Variants in KCNK2 observed in about 807,000 individuals in gnomAD.
The protein encoded by KCNK2 is potassium channel subfamily K member 2.
A neutral mutation model predicts 40.5 loss-of-function variants in KCNK2; 21 were observed. That is an observed-to-expected ratio of 0.52 (90% confidence interval 0.37 to 0.75). The LOEUF (loss-of-function observed/expected upper bound fraction) is 0.75, where lower values mean the gene tolerates loss of function less well. Among genes scored for constraint, KCNK2 ranks in the 30% least tolerant of loss-of-function variants. The pLI is 0.00. For synonymous variants in KCNK2, 191 were observed against 202.2 expected (o/e 0.94, Z 0.47); for missense variants, 399 against 531.6 (o/e 0.75, Z 2.45).
chr1:215,195,465 G>C (rs1664826373), intron 6 of KCNK2, among the ~76,000 whole-genome samples: 1 of 151,578 alleles, frequency 6.6e-6, no homozygotes, highest in South Asian at 2.1e-4. Context: ...GATATCAGTA[G>C]CATGAAATAG....
chr1:215,198,336 G>A (rs940967385), intron 6 of KCNK2, among the ~76,000 whole-genome samples: 4 of 152,104 alleles, frequency 2.6e-5, no homozygotes, highest in African/African-American at 4.8e-5. Context: ...TTCAATTGGA[G>A]TAGATATGTG....
chr1:215,130,246 G>A lies in KCNK2; in HGVS notation c.475+5496G>A, dbSNP rs61818325. Among the ~76,000 whole-genome samples the A allele has an allele frequency of 9.6e-3, 1,461 of 152,272 alleles. 22 individuals are homozygous for A. The highest frequency in any genetic ancestry group is 0.06 in the South Asian group (291 of 4,824). The stretch of plus-strand genomic sequence containing the variant: ...AGCTCCATAAAATCCCCTAAATGAT[G>A]GAGTTCAGAGAGCTTCTGGGTTGGT... On this transcript the variant is annotated intron_variant, in intron 3 of 6. Coordinates refer to ENST00000444842, the MANE Select transcript of KCNK2 (RefSeq NM_001017425.3).
chr1:215,175,453 T>G (rs61209128), intron 5 of KCNK2, among the ~76,000 whole-genome samples: 32,228 of 148,858 alleles, frequency 0.22, 5,539 homozygotes, highest in African/African-American at 0.48. Flanking sequence ...CCTCTGATTT[T>G]TTTTTTGTTT....
At chr1:215,234,129 T>A (rs1278931829) in intron 6 of KCNK2, among the ~76,000 whole-genome samples, 2 of 152,224 alleles carry the variant, frequency 1.3e-5, no homozygotes, top group Non-Finnish European at 2.9e-5. Flanking sequence ...AAACACTTTT[T>A]GAGAAACTGT....
At position 215,110,428 on chromosome 1, in the gene KCNK2, T is replaced by C. The variant is rs529136125; in HGVS notation, c.358-14205T>C. ...AAGGGTCCAGTTTCCCTCTTTTTGGTGTGTATATCAAATTTTCTCAAAACT... is the reference window on the plus strand; with the variant it reads ...AAGGGTCCAGTTTCCCTCTTTTTGGCGTGTATATCAAATTTTCTCAAAACT... On this transcript the variant is annotated intron_variant, in intron 2 of 6. Coordinates refer to ENST00000444842, the MANE Select transcript of KCNK2 (RefSeq NM_001017425.3). Among the ~76,000 whole-genome samples, 89 of 152,156 alleles carry C rather than the reference T, an allele frequency of 5.8e-4. 1 individual carries two copies. In the South Asian group the frequency reaches 0.018, roughly 30 times the overall value.
intron 2 of KCNK2, among the ~76,000 whole-genome samples, chr1:215,109,026 A>G (rs1231127097): frequency 6.6e-6 from 1 of 151,958 alleles, no homozygotes; most frequent in African/African-American, 2.4e-5. Flanking sequence ...TATATCATTC[A>G]TTCATATATA....
At chr1:215,091,696 A>G (rs1659700362) in intron 2 of KCNK2, among the ~76,000 whole-genome samples, 1 of 152,118 alleles carries the variant, frequency 6.6e-6, no homozygotes, top group South Asian at 2.1e-4. Context: ...AGCAGTGGAG[A>G]GGGCTTGGAA....
intron 1 of KCNK2, among the ~76,000 whole-genome samples, chr1:215,028,677 A>G (rs1455886949): frequency 6.6e-6 from 1 of 152,148 alleles, no homozygotes; most frequent in Admixed American, 6.5e-5. Context: ...TATTCAGTGA[A>G]ATGCACAAAT....
At chr1:215,051,829 T>C (rs751772615) in intron 1 of KCNK2, among the ~76,000 whole-genome samples, 2 of 152,174 alleles carry the variant, frequency 1.3e-5, no homozygotes, top group African/African-American at 2.4e-5. Context: ...TGCAGGTGAT[T>C]AGAACAGTTT....
In KCNK2 at chr1:215,169,329, A is replaced by C; in HGVS notation, c.606A>C (p.Lys202Asn). 1 of 1,612,450 alleles carries C rather than the reference A, an allele frequency of 6.2e-7. No homozygotes were observed. Among genetic ancestry groups the C allele is most frequent in the Non-Finnish European group, 8.5e-7 (1 of 1,179,210 alleles). The change falls in exon 4 of 7, where the codon AAA becomes AAC. Residue 202 changes from lysine to asparagine, a missense_variant. Physicochemically the swap from Lys to Asn is moderately conservative, Grantham distance 94. Around this residue, in one of 3 missense-constraint regions of KCNK2, gnomAD observed 279 missense variants for 353.8 expected, o/e 0.79. Transcript: ENST00000444842. The part of the protein sequence containing the change: ...VGDQLGTIFG[K>N]GIAKVEDTFI... Reference sequence around the variant, plus strand: ...ATCAGCTAGGCACCATATTTGGAAAAGGAATTGCCAAAGTGGAAGATACGT... The same window carrying C: ...ATCAGCTAGGCACCATATTTGGAAACGGAATTGCCAAAGTGGAAGATACGT...
intron 1 of KCNK2, among the ~76,000 whole-genome samples, chr1:215,026,933 CA>C (rs987446643): frequency 2.0e-5 from 3 of 151,918 alleles, no homozygotes; most frequent in African/African-American, 7.2e-5. Flanking sequence ...TGTTTCAGAT[CA>C]TTTTTCATTC....
At chr1:215,188,400 A>G (rs1323861312) in intron 5 of KCNK2, among the ~76,000 whole-genome samples, 5 of 152,114 alleles carry the variant, frequency 3.3e-5, no homozygotes, top group Non-Finnish European at 7.3e-5. Flanking sequence ...TGTATGTCTC[A>G]TATTAAGGAT....
chr1:215,119,608 T>G (rs1015480662), intron 2 of KCNK2, among the ~76,000 whole-genome samples: 3 of 152,140 alleles, frequency 2.0e-5, no homozygotes, highest in Non-Finnish European at 4.4e-5. Flanking sequence ...TTTTACTGTT[T>G]CTGTGGCAAG....
At chr1:215,019,374 G>C (rs1656706125) in intron 1 of KCNK2, among the ~76,000 whole-genome samples, 1 of 152,168 alleles carries the variant, frequency 6.6e-6, no homozygotes, top group African/African-American at 2.4e-5. Context: ...AAACCTGTTT[G>C]TATGTAAAAA....
chr1:215,156,401 G>C (rs1662926325), intron 3 of KCNK2, among the ~76,000 whole-genome samples: 1 of 152,156 alleles, frequency 6.6e-6, no homozygotes. Context: ...TAACTTTTCT[G>C]TGTGATATAC....
At chr1:215,230,478 T>TATAC (rs1269215047) in intron 6 of KCNK2, among the ~76,000 whole-genome samples, 14 of 85,080 alleles carry the variant, frequency 1.6e-4, no homozygotes, top group African/African-American at 6.6e-4. Flanking sequence ...GATATATATA[T>TATAC]ACACACACAC....
intron 1 of KCNK2, among the ~76,000 whole-genome samples, chr1:215,053,302 A>G (rs897035160): frequency 2.0e-5 from 3 of 152,112 alleles, no homozygotes; most frequent in Non-Finnish European, 4.4e-5. Context: ...TGACTGATGC[A>G]TCTTCCCTAG....
At chr1:215,209,338 A>G (rs1210133408) in intron 6 of KCNK2, among the ~76,000 whole-genome samples, 2 of 97,664 alleles carry the variant, frequency 2.0e-5, no homozygotes, top group African/African-American at 8.1e-5. Flanking sequence ...TTTTATATAT[A>G]TAATATATAT....
chr1:215,125,585 T>C (rs1282702196), intron 3 of KCNK2, among the ~76,000 whole-genome samples: 1 of 151,412 alleles, frequency 6.6e-6, no homozygotes, highest in Non-Finnish European at 1.5e-5. Flanking sequence ...CCAGGGCCTG[T>C]TGTGGGGTGG....
Sources: gnomAD v4.1 joint callset for allele counts (sites outside exome capture counted in the v4.1 genomes callset) on GRCh38, gnomAD v4.1.1 for gene constraint, gnomAD v4.1.1 regional missense constraint, MANE v1.5 for transcripts, NCBI Gene and HGNC (gene_info 2026-07-23, HGNC 2026-07-21) for gene names.